The following RBFOX1 variants were observed in gnomAD, a reference collection of about 807,000 sequenced individuals.
The protein encoded by RBFOX1 is RNA binding protein fox-1 homolog 1.
Under a neutral mutation model 57.7 loss-of-function variants are expected in RBFOX1, and 8 were observed. The ratio of observed to expected loss-of-function variants is 0.14; its 90% CI spans 0.08 to 0.25. The LOEUF (loss-of-function observed/expected upper bound fraction) is 0.25, where lower values mean the gene tolerates loss of function less well. RBFOX1 is among the 10% of genes least tolerant of loss of function. RBFOX1 has a pLI of 1.00. For missense variants in RBFOX1, 611 were observed against 548.5 expected (o/e 1.11, Z -1.14); for synonymous variants, 326 against 222.4 (o/e 1.47, Z -4.15).
chr16:6,514,403 A>G (rs1046867211), intron 2 of RBFOX1, among the ~76,000 whole-genome samples: 1 of 152,314 alleles, frequency 6.6e-6, no homozygotes, highest in Non-Finnish European at 1.5e-5. Context: ...TTTTGCCCAC[A>G]TGAATTGATG....
chr16:6,121,474 C>T (rs772178744), intron 1 of RBFOX1, among the ~76,000 whole-genome samples: 24 of 152,164 alleles, frequency 1.6e-4, no homozygotes, highest in Non-Finnish European at 3.1e-4. Context: ...GGCCACTGCC[C>T]GTACCCAGTA....
intron 3 of RBFOX1, among the ~76,000 whole-genome samples, chr16:6,693,042 C>G (rs2060450374): frequency 1.3e-5 from 2 of 151,926 alleles, no homozygotes; most frequent in African/African-American, 4.8e-5. Context: ...CCATCCACTA[C>G]CATCACCACC....
intron 4 of RBFOX1, among the ~76,000 whole-genome samples, chr16:7,120,688 T>G: frequency 7.9e-6 from 1 of 126,666 alleles, no homozygotes; most frequent in Admixed American, 7.7e-5. Context: ...AAACATTTAA[T>G]GTTGGGAAAA....
chr16:6,503,387 TAACA>T (rs2095996499), intron 2 of RBFOX1, among the ~76,000 whole-genome samples: 1 of 152,194 alleles, frequency 6.6e-6, no homozygotes, highest in African/African-American at 2.4e-5. Flanking sequence ...CTTTTGCTGG[TAACA>T]AACAATTCCA....
intron 3 of RBFOX1, among the ~76,000 whole-genome samples, chr16:5,675,100 A>G (rs943929881): frequency 1.3e-5 from 2 of 152,212 alleles, no homozygotes; most frequent in Admixed American, 6.6e-5. Flanking sequence ...GTGAGCTGTG[A>G]TTGCACCAGT....
At chr16:7,184,623 A>G (rs1817591965) in intron 4 of RBFOX1, among the ~76,000 whole-genome samples, 1 of 152,220 alleles carries the variant, frequency 6.6e-6, no homozygotes, top group African/African-American at 2.4e-5. Context: ...GGAATTCTAG[A>G]GCAGTCACAG....
chr16:7,259,990 C>T (rs17143122), intron 4 of RBFOX1, among the ~76,000 whole-genome samples: 2,695 of 152,210 alleles, frequency 0.018, 50 homozygotes, highest in South Asian at 0.045. Context: ...TAGTTGATCC[C>T]AATGCTTTTG....
At chr16:7,607,427 T>G (rs2095320805) in intron 10 of RBFOX1, 89 bp downstream of exon 10, 1 of 1,211,936 alleles carries the variant, frequency 8.3e-7, no homozygotes, top group African/African-American at 1.5e-5. Flanking sequence ...TAAAATAACC[T>G]GAAGCAAGTG....
intron 1 of RBFOX1, among the ~76,000 whole-genome samples, chr16:5,350,578 A>G (rs1220033112): frequency 6.6e-6 from 1 of 152,102 alleles, no homozygotes; most frequent in Non-Finnish European, 1.5e-5. Context: ...TAAAATGCAC[A>G]CTGCACGCTG....
chr16:7,686,448 G>T (rs1254531413), intron 14 of RBFOX1, among the ~76,000 whole-genome samples: 1 of 152,022 alleles, frequency 6.6e-6, no homozygotes, highest in Non-Finnish European at 1.5e-5. Flanking sequence ...TAGAAGAAAT[G>T]CCCAATCTCC....
intron 4 of RBFOX1, among the ~76,000 whole-genome samples, chr16:7,115,155 G>C (rs562284962): frequency 6.6e-6 from 1 of 151,518 alleles, no homozygotes; most frequent in East Asian, 2.0e-4. Flanking sequence ...TTAGCACTTA[G>C]TGGTGCAACT....
intron 3 of RBFOX1, among the ~76,000 whole-genome samples, chr16:6,842,944 A>T (rs941863092): frequency 2.0e-5 from 3 of 151,924 alleles, no homozygotes; most frequent in Admixed American, 6.6e-5. Flanking sequence ...TTCCTGTGTT[A>T]GTTTGCTGAG....
chr16:5,899,240 A>G lies in RBFOX1; in HGVS notation c.351+31905A>G, dbSNP rs147090448. Among the ~76,000 whole-genome samples the G allele has an allele frequency of 4.7e-4, 72 of 152,206 alleles. 1 individual carries two copies. The highest frequency in any genetic ancestry group is 8.5e-4 in the Non-Finnish European group (58 of 68,002). On this transcript the variant is annotated intron_variant, in intron 4 of 19. Transcript: ENST00000641259. ...GTTGATATATACTGATGAGAAATAC[A>G]AACACAATCTTATCTTTAGTCTAAG...
intron 2 of RBFOX1, among the ~76,000 whole-genome samples, chr16:6,431,064 G>A (rs1175765494): frequency 6.6e-6 from 1 of 152,044 alleles, no homozygotes; most frequent in East Asian, 1.9e-4. Flanking sequence ...CCTGAGCCCA[G>A]GAGTTTGAGG....
intron 3 of RBFOX1, chr16:5,867,160 G>A (rs2057361277): frequency 2.4e-6 from 1 of 411,022 alleles, no homozygotes; most frequent in Non-Finnish European, 4.2e-6. Context: ...ATGTGTGTGT[G>A]TGTGTGTGTG....
At chr16:6,897,097 G>C (rs1202383340) in intron 3 of RBFOX1, among the ~76,000 whole-genome samples, 3 of 152,050 alleles carry the variant, frequency 2.0e-5, no homozygotes, top group East Asian at 1.9e-4. Context: ...CAATGGATGG[G>C]GCTATTTATA....
At chr16:6,782,478 C>T (rs1033058483) in intron 3 of RBFOX1, among the ~76,000 whole-genome samples, 1 of 151,948 alleles carries the variant, frequency 6.6e-6, no homozygotes, top group African/African-American at 2.4e-5. Context: ...TTGATCTCTT[C>T]ATGTTTTCTA....
chr16:5,469,117 CTGTT>C (rs2069049189), intron 2 of RBFOX1, among the ~76,000 whole-genome samples: 1 of 152,194 alleles, frequency 6.6e-6, no homozygotes, highest in African/African-American at 2.4e-5. Flanking sequence ...TCTGGCCTGT[CTGTT>C]GCCTCCTCTT....
chr16:5,649,366 C>T (rs1168939751), intron 3 of RBFOX1, among the ~76,000 whole-genome samples: 3 of 152,054 alleles, frequency 2.0e-5, no homozygotes, highest in Non-Finnish European at 4.4e-5. Context: ...GACGGGGTTT[C>T]GCCATGTTGG....
Sources: allele counts gnomAD v4.1 joint callset (sites outside exome capture counted in the v4.1 genomes callset), GRCh38; gene constraint gnomAD v4.1.1; transcripts MANE v1.5; gene names NCBI Gene and HGNC (gene_info 2026-07-23, HGNC 2026-07-21).